The following NKAIN2 variants were observed in gnomAD, a reference collection of about 807,000 sequenced individuals.
The protein encoded by NKAIN2 is sodium/potassium-transporting ATPase subunit beta-1-interacting protein 2.
NKAIN2 carries 14 observed loss-of-function variants against 32.6 expected under a neutral mutation model. The ratio of observed to expected loss-of-function variants is 0.43; its 90% CI spans 0.28 to 0.67. NKAIN2 has a LOEUF of 0.67. Among genes scored for constraint, NKAIN2 ranks in the 30% least tolerant of loss-of-function variants. The pLI, the probability that NKAIN2 is intolerant of heterozygous loss-of-function variation, is 0.17. For missense variants in NKAIN2, 198 were observed against 258.3 expected, an observed-to-expected ratio of 0.77 and a Z score of 1.60; for synonymous variants, 80 against 87.2, an observed-to-expected ratio of 0.92 and a Z score of 0.46.
chr6:124,047,531 G>T (rs1272805203), intron 1 of NKAIN2, among the ~76,000 whole-genome samples: 1 of 151,860 alleles, frequency 6.6e-6, no homozygotes, highest in South Asian at 2.1e-4. Context: ...ACACACAAAG[G>T]AAAGCAACAT....
At chr6:123,942,457 A>G (rs1425413937) in intron 1 of NKAIN2, among the ~76,000 whole-genome samples, 1 of 152,016 alleles carries the variant, frequency 6.6e-6, no homozygotes, top group Non-Finnish European at 1.5e-5. Context: ...CATTACACTA[A>G]TGAGGTACTG....
chr6:124,333,682 A>AATAC (rs376440563), intron 2 of NKAIN2, among the ~76,000 whole-genome samples: 5,618 of 150,808 alleles, frequency 0.037, 358 homozygotes, highest in African/African-American at 0.13. Context: ...TAAATAAATA[A>AATAC]ATACATAAAT....
intron 3 of NKAIN2, among the ~76,000 whole-genome samples, chr6:124,603,270 A>G (rs914932432): frequency 1.3e-5 from 2 of 151,982 alleles, no homozygotes; most frequent in African/African-American, 4.8e-5. Context: ...GTATGGTAAC[A>G]TGCCATGTCT....
intron 3 of NKAIN2, among the ~76,000 whole-genome samples, chr6:124,601,137 A>G (rs1040516252): frequency 4.6e-5 from 7 of 152,096 alleles, no homozygotes; most frequent in Middle Eastern, 3.2e-3. Flanking sequence ...CTCTATGCAT[A>G]AGGCTGTGTC....
At chr6:124,114,065 G>C (rs572506878) in intron 1 of NKAIN2, among the ~76,000 whole-genome samples, 1 of 152,036 alleles carries the variant, frequency 6.6e-6, no homozygotes, top group Non-Finnish European at 1.5e-5. Flanking sequence ...ACACTGTAAG[G>C]TATCTTCCAG....
intron 3 of NKAIN2, among the ~76,000 whole-genome samples, chr6:124,363,940 A>C (rs1318333944): frequency 6.6e-6 from 1 of 152,176 alleles, no homozygotes; most frequent in African/African-American, 2.4e-5. Context: ...GAGATGATTC[A>C]GATATTTTAA....
chr6:123,806,240 CA>C (rs1773208613), intron 1 of NKAIN2, among the ~76,000 whole-genome samples: 1 of 152,026 alleles, frequency 6.6e-6, no homozygotes. Context: ...CAGAAGAGCA[CA>C]ATCTAAGTAA....
chr6:123,881,180 C>T (rs7765114), intron 1 of NKAIN2, among the ~76,000 whole-genome samples: 19 of 151,942 alleles, frequency 1.3e-4, no homozygotes, highest in Non-Finnish European at 2.2e-4. Context: ...CACCACCACA[C>T]GCAGCTATTT....
rs80082638 is a variant in NKAIN2, at chr6:123,812,211, T to C, written c.54+7957T>C. The stretch of plus-strand genomic sequence containing the variant: ...TCTGATATCCCCTATTAATCTTCCA[T>C]GGAACTAGCATTTTCAGCAATACTT... On this transcript the variant is annotated intron_variant, in intron 1 of 6. Transcript: ENST00000368417. Among the ~76,000 whole-genome samples, 1,126 of 152,296 alleles carry C rather than the reference T, an allele frequency of 7.4e-3. 22 individuals are homozygous for C. Among genetic ancestry groups the C allele is most frequent in the African/African-American group, 0.026 (1,084 of 41,556 alleles).
intron 4 of NKAIN2, among the ~76,000 whole-genome samples, chr6:124,725,113 T>G (rs1776207308): frequency 6.6e-6 from 1 of 152,234 alleles, no homozygotes; most frequent in African/African-American, 2.4e-5. Flanking sequence ...TCAGCATTTA[T>G]TTTCAAATGA....
chr6:123,926,025 G>A (rs1442071803), intron 1 of NKAIN2, among the ~76,000 whole-genome samples: 3 of 152,156 alleles, frequency 2.0e-5, no homozygotes, highest in African/African-American at 4.8e-5. Context: ...TCCTCACATG[G>A]TGGAAGGGAC....
chr6:123,834,765 T>C (rs1774542247), intron 1 of NKAIN2, among the ~76,000 whole-genome samples: 1 of 152,188 alleles, frequency 6.6e-6, no homozygotes, highest in Non-Finnish European at 1.5e-5. Flanking sequence ...CTGAGAGATT[T>C]TATGATGAAT....
chr6:124,281,256 G>C (rs191398691), intron 1 of NKAIN2, among the ~76,000 whole-genome samples: 11 of 152,174 alleles, frequency 7.2e-5, no homozygotes, highest in Admixed American at 3.3e-4. Flanking sequence ...AGGCGGAGAG[G>C]GTTCTATGTT....
chr6:124,186,631 C>T (rs1789755277), intron 1 of NKAIN2, among the ~76,000 whole-genome samples: 1 of 152,178 alleles, frequency 6.6e-6, no homozygotes, highest in South Asian at 2.1e-4. Flanking sequence ...TCTAGGAAAT[C>T]TATCAGATAC....
chr6:124,138,759 CAG>C (rs1480460622), intron 1 of NKAIN2, among the ~76,000 whole-genome samples: 1 of 145,450 alleles, frequency 6.9e-6, no homozygotes, highest in Non-Finnish European at 1.5e-5. Context: ...TTCAGCCAAA[CAG>C]AAAATAATGG....
At chr6:124,273,046 T>C (rs760033906) in intron 1 of NKAIN2, among the ~76,000 whole-genome samples, 1 of 152,214 alleles carries the variant, frequency 6.6e-6, no homozygotes, top group Non-Finnish European at 1.5e-5. Flanking sequence ...TTGCCTTGTC[T>C]CTCAGATGAG....
chr6:124,710,289 GA>G (rs968467795), intron 4 of NKAIN2, among the ~76,000 whole-genome samples: 1 of 152,082 alleles, frequency 6.6e-6, no homozygotes, highest in East Asian at 1.9e-4. Context: ...GTGTGGTGCT[GA>G]AAAAATGTAT....
At chr6:124,242,003 A>G (rs1435224528) in intron 1 of NKAIN2, among the ~76,000 whole-genome samples, 1 of 152,132 alleles carries the variant, frequency 6.6e-6, no homozygotes, top group Non-Finnish European at 1.5e-5. Flanking sequence ...CAAAGACTTC[A>G]TGACTAAAAC....
At chr6:124,796,168 A>T (rs927747176) in intron 5 of NKAIN2, among the ~76,000 whole-genome samples, 1 of 152,092 alleles carries the variant, frequency 6.6e-6, no homozygotes, top group Non-Finnish European at 1.5e-5. Flanking sequence ...TTAGCTAGGG[A>T]TGCCATAAAA....
Sources: allele counts gnomAD v4.1 joint callset (sites outside exome capture counted in the v4.1 genomes callset), GRCh38; gene constraint gnomAD v4.1.1; transcripts MANE v1.5; gene names NCBI Gene and HGNC (gene_info 2026-07-23, HGNC 2026-07-21).